The following BTBD7 variants were observed in gnomAD, a reference collection of about 807,000 sequenced individuals.
BTBD7 encodes the protein BTB domain containing 7.
A neutral mutation model predicts 99.9 loss-of-function variants in BTBD7; 38 were observed. The ratio of observed to expected loss-of-function variants is 0.38; its 90% CI spans 0.29 to 0.50. BTBD7 has a LOEUF of 0.50. BTBD7 is among the 20% of genes least tolerant of loss of function. The pLI is 0.93. For synonymous variants in BTBD7, 520 were observed against 511.4 expected (o/e 1.02, Z -0.23); for missense variants, 1,170 against 1,394.6 (o/e 0.84, Z 2.57).
At chr14:93,256,981 T>G in intron 6 of BTBD7, 1 of 517,012 alleles carries the variant, frequency 1.9e-6, no homozygotes, top group Non-Finnish European at 3.4e-6. Flanking sequence ...TAAGACCTAT[T>G]TACCCACTCA....
intron 6 of BTBD7, among the ~76,000 whole-genome samples, chr14:93,255,096 A>G (rs760692313): frequency 1.3e-5 from 2 of 152,128 alleles, no homozygotes; most frequent in African/African-American, 2.4e-5. Context: ...AAAAAAGTCA[A>G]TACTCATTAC....
chr14:93,272,679 T>C (rs1258581187), intron 3 of BTBD7, among the ~76,000 whole-genome samples: 1 of 152,232 alleles, frequency 6.6e-6, no homozygotes, highest in Non-Finnish European at 1.5e-5. Flanking sequence ...TACAAATCTA[T>C]TTTTAAAAGG....
chr14:93,240,329 C>T lies in BTBD7; in HGVS notation c.*1944G>A, dbSNP rs553665157. ...ATCTTGGAGACTATCTACTGTTCGG[C>T]TTTTCTAAAATGTCAGATTATTCCT... On this transcript the variant is annotated 3_prime_UTR_variant, in exon 11 of 11. Transcript: ENST00000334746. The T allele has an allele frequency of 1.3e-5, 2 of 152,736 alleles. No individual in the cohort carries two copies. The highest frequency in any genetic ancestry group is 4.8e-5 in the African/African-American group (2 of 41,564). 9.5% of individuals were successfully genotyped at this position (152,736 alleles called of 1,614,324 possible).
At chr14:93,244,071 C>T (rs971525873) in intron 10 of BTBD7, 2 of 451,022 alleles carry the variant, frequency 4.4e-6, no homozygotes, top group Non-Finnish European at 8.7e-6. Context: ...ACCAATCCCA[C>T]AAAGTGACAC....
At chr14:93,284,079 T>C (rs2052751445) in intron 3 of BTBD7, among the ~76,000 whole-genome samples, 1 of 152,330 alleles carries the variant, frequency 6.6e-6, no homozygotes, top group African/African-American at 2.4e-5. Flanking sequence ...ACCTTTTTAT[T>C]ATTAAATTTG....
chr14:93,284,804 T>C (rs1468101643), intron 3 of BTBD7, among the ~76,000 whole-genome samples: 4 of 151,900 alleles, frequency 2.6e-5, no homozygotes, highest in Non-Finnish European at 5.9e-5. Context: ...AAGGTTAGGG[T>C]AGAATTTGGA....
chr14:93,324,242 G>A (rs1267832423), intron 1 of BTBD7, among the ~76,000 whole-genome samples: 2 of 152,018 alleles, frequency 1.3e-5, no homozygotes, highest in South Asian at 2.1e-4. Flanking sequence ...AGTTCAAGAC[G>A]CCTGGGCAAT....
chr14:93,244,376 C>T (rs374589223), intron 10 of BTBD7: 43 of 192,668 alleles, frequency 2.2e-4, no homozygotes, highest in Admixed American at 1.2e-3. Flanking sequence ...GTTGGCCGGG[C>T]GCAGTGGCCC....
chr14:93,326,697 G>C (rs979797853), intron 1 of BTBD7, among the ~76,000 whole-genome samples: 9 of 152,008 alleles, frequency 5.9e-5, no homozygotes, highest in African/African-American at 2.2e-4. Context: ...AGCTACTTGG[G>C]AGGCTGAGGC....
chr14:93,325,847 A>G (rs117415032), intron 1 of BTBD7, among the ~76,000 whole-genome samples: 2,662 of 152,316 alleles, frequency 0.017, 40 homozygotes, highest in South Asian at 0.075. Context: ...AGTGTTTCCT[A>G]GCTATTCCAA....
chr14:93,250,473 T>C (rs957841812), intron 8 of BTBD7, among the ~76,000 whole-genome samples: 2 of 152,242 alleles, frequency 1.3e-5, no homozygotes, highest in African/African-American at 4.8e-5. Context: ...AGGTAACAAC[T>C]GAAGAAAGTC....
chr14:93,253,439 C>A (rs1476766694), intron 7 of BTBD7, among the ~76,000 whole-genome samples: 1 of 152,152 alleles, frequency 6.6e-6, no homozygotes, highest in East Asian at 1.9e-4. Flanking sequence ...TGCATTTTAA[C>A]ATAACCTAAG....
chr14:93,253,720 G>T lies in BTBD7; in HGVS notation c.1679C>A (p.Ala560Asp), dbSNP rs1243438631. 6.2e-7 allele frequency: 1 copy of T among 1,613,236 alleles called. No homozygotes were observed. The highest frequency in any genetic ancestry group is 8.5e-7 in the Non-Finnish European group (1 of 1,179,490). ...GCCAGCATTTTTTTGCCGTAACCAG[G>T]CATTTGACTTCCCACCTTCTGTTGT... ...LPTTEGGKSN[A>D]WLRQKNAGIY... Residue 560 changes from alanine to aspartate, a missense_variant, in exon 7 of 11, where the codon GCC (alanine) becomes GAC (aspartate). Coordinates refer to ENST00000334746, the MANE Select transcript of BTBD7 (RefSeq NM_001002860.4).
intron 1 of BTBD7, among the ~76,000 whole-genome samples, chr14:93,298,175 G>A (rs762275476): frequency 2.0e-5 from 3 of 152,158 alleles, no homozygotes; most frequent in South Asian, 2.1e-4. Flanking sequence ...AATCAGAAGC[G>A]TCTTCAGAAG....
Position 93,332,918 on chromosome 14 carries a change from C to G in BTBD7, c.-205G>C, listed in dbSNP as rs1463062313. ...ACCGCCGTCCGCACCGGCGCCAGCA[C>G]CCCCGGCCATCCTCCTCCCACCGCC... On this transcript the variant is annotated 5_prime_UTR_variant, in exon 1 of 11. Transcript: ENST00000334746. 8.2e-7 allele frequency: 1 copy of G among 1,224,264 alleles called. No homozygotes were observed. The highest frequency in any genetic ancestry group is 1.1e-6 in the Non-Finnish European group (1 of 924,304). The allele number at this position is 1,224,264 out of a possible 1,614,324, so 75.8% of individuals were successfully genotyped here.
chr14:93,262,289 C>A (rs1456672363), intron 4 of BTBD7, among the ~76,000 whole-genome samples: 1 of 152,072 alleles, frequency 6.6e-6, no homozygotes, highest in South Asian at 2.1e-4. Flanking sequence ...CCCGCCACCA[C>A]GCCTGGCTAA....
intron 3 of BTBD7, among the ~76,000 whole-genome samples, chr14:93,291,493 G>T (rs745749797): frequency 1.3e-5 from 2 of 151,970 alleles, no homozygotes; most frequent in African/African-American, 2.4e-5. Flanking sequence ...TCTTCCTATG[G>T]AAATGAGATA....
chr14:93,310,785 T>C (rs1249138728), intron 1 of BTBD7, among the ~76,000 whole-genome samples: 1 of 147,938 alleles, frequency 6.8e-6, no homozygotes, highest in Admixed American at 6.7e-5. Context: ...TTTTTTTTTT[T>C]TTTTTGCCAA....
chr14:93,302,778 G>A (rs1393790948), intron 1 of BTBD7, among the ~76,000 whole-genome samples: 2 of 152,118 alleles, frequency 1.3e-5, no homozygotes, highest in Admixed American at 6.5e-5. Flanking sequence ...CCAGGAGGAC[G>A]AGATTGCAGT....
Sources: gnomAD v4.1 joint callset for allele counts (sites outside exome capture counted in the v4.1 genomes callset) on GRCh38, gnomAD v4.1.1 for gene constraint, MANE v1.5 for transcripts, NCBI Gene and HGNC (gene_info 2026-07-23, HGNC 2026-07-21) for gene names.